CAMTA1: variants seen among roughly 807,000 people sequenced by gnomAD.
CAMTA1 encodes the protein calmodulin-binding transcription activator 1.
A neutral mutation model predicts 170.9 loss-of-function variants in CAMTA1; 27 were observed. That is an observed-to-expected ratio of 0.16 (90% CI 0.12 to 0.22). The LOEUF is 0.22. Ranked by LOEUF, CAMTA1 falls within the 10% of genes least tolerant of loss-of-function variation. The probability of loss-of-function intolerance (pLI) is 1.00; values close to 1 mark genes in which losing one functional copy is unlikely to be tolerated. For synonymous variants in CAMTA1, 833 were observed against 891.5 expected (o/e 0.93, Z 1.17); for missense variants, 1,619 against 2,217.2 (o/e 0.73, Z 5.42).
intron 1 of CAMTA1, among the ~76,000 whole-genome samples, 192 bp downstream of exon 1, chr1:6,785,767 G>C (rs1445714077): frequency 7.3e-6 from 1 of 137,830 alleles, no homozygotes; most frequent in Non-Finnish European, 1.6e-5. Flanking sequence ...GAGGTGACTC[G>C]CGGGGCCGGC....
chr1:7,056,278 G>C (rs1296590274), intron 3 of CAMTA1, among the ~76,000 whole-genome samples: 1 of 152,084 alleles, frequency 6.6e-6, no homozygotes, highest in Admixed American at 6.5e-5. Flanking sequence ...GGCCTCTTTT[G>C]ATGTTTCCTT....
intron 21 of CAMTA1, among the ~76,000 whole-genome samples, chr1:7,754,188 T>C (rs1296162320): frequency 6.6e-6 from 1 of 152,216 alleles, no homozygotes; most frequent in Non-Finnish European, 1.5e-5. Flanking sequence ...CAATAGACTT[T>C]GGCCACTTTG....
At chr1:7,292,354 T>C (rs972108744) in intron 5 of CAMTA1, among the ~76,000 whole-genome samples, 1 of 152,150 alleles carries the variant, frequency 6.6e-6, no homozygotes, top group Non-Finnish European at 1.5e-5. Context: ...GCCAATATTC[T>C]GTGTTTTCTT....
chr1:7,300,969 T>C lies in CAMTA1; in HGVS notation c.438+51343T>C, dbSNP rs1674662420. On this transcript the variant is annotated intron_variant, in intron 5 of 22. Coordinates refer to ENST00000303635, the MANE Select transcript of CAMTA1 (RefSeq NM_015215.4). The surrounding 1 kb of genome is among the most constrained non-coding windows in gnomAD (Gnocchi z 4.1). ...TCATAGATGAGATACAACACACACATTGGATTCTAGCAGCAATTACCCACC... is the reference window on the plus strand; with the variant it reads ...TCATAGATGAGATACAACACACACACTGGATTCTAGCAGCAATTACCCACC... Among the ~76,000 whole-genome samples, 1 of 152,208 alleles carries C rather than the reference T, an allele frequency of 6.6e-6. No homozygotes were observed. Among genetic ancestry groups the C allele is most frequent in the Non-Finnish European group, 1.5e-5 (1 of 68,020 alleles).
At chr1:7,457,318 T>G (rs547671094) in intron 5 of CAMTA1, among the ~76,000 whole-genome samples, 38 of 152,286 alleles carry the variant, frequency 2.5e-4, no homozygotes, top group African/African-American at 8.7e-4. Flanking sequence ...ATTCATTGAA[T>G]TTTTATTGCC....
At chr1:7,280,784 C>A (rs11120894) in intron 5 of CAMTA1, among the ~76,000 whole-genome samples, 58,614 of 152,072 alleles carry the variant, frequency 0.39, 13,145 homozygotes, top group Admixed American at 0.53. Flanking sequence ...TCAAAAGGTT[C>A]TCCATGGACT....
At chr1:7,399,520 A>C (rs1253864767) in intron 5 of CAMTA1, among the ~76,000 whole-genome samples, 1 of 152,240 alleles carries the variant, frequency 6.6e-6, no homozygotes, top group African/African-American at 2.4e-5. Context: ...ATGTATCATC[A>C]TTACAGTAAT....
rs2086761837 is a variant in CAMTA1 at position 7,375,328 on chromosome 1, T to C, written c.439-92502T>C. Among the ~76,000 whole-genome samples the C allele has an allele frequency of 2.0e-5, 3 of 152,210 alleles. No individual in the cohort carries two copies. In the South Asian group the frequency reaches 6.2e-4, roughly 32 times the overall value. On this transcript the variant is annotated intron_variant, in intron 5 of 22. Coordinates refer to ENST00000303635, the MANE Select transcript of CAMTA1 (RefSeq NM_015215.4). ...CAGCTTCCAACCAAATAACAAGGAT[T>C]ACCCAACCCAGCCCCTGACCCGAAA... is the stretch of plus-strand genomic sequence containing the variant.
chr1:7,396,347 G>C (rs190939248), intron 5 of CAMTA1, among the ~76,000 whole-genome samples: 17 of 152,202 alleles, frequency 1.1e-4, no homozygotes, highest in Admixed American at 2.0e-4. Flanking sequence ...TAAGCTTTTT[G>C]TACAGCCTGT....
chr1:7,445,864 G>C (rs1403083188), intron 5 of CAMTA1, among the ~76,000 whole-genome samples: 4 of 152,176 alleles, frequency 2.6e-5, no homozygotes, highest in Middle Eastern at 3.2e-3. Flanking sequence ...GCCTTGACTT[G>C]AGCGAACATT....
intron 3 of CAMTA1, among the ~76,000 whole-genome samples, chr1:6,924,305 G>GGCCA (rs1443411578): frequency 6.6e-6 from 1 of 151,982 alleles, no homozygotes; most frequent in Non-Finnish European, 1.5e-5. Flanking sequence ...GAGGGGCTCA[G>GGCCA]GCTGGGAGGG....
chr1:7,161,106 C>T (rs1324491458), intron 4 of CAMTA1, among the ~76,000 whole-genome samples: 1 of 152,180 alleles, frequency 6.6e-6, no homozygotes, highest in Non-Finnish European at 1.5e-5. Context: ...TATGTCATTC[C>T]AATACTTAAA....
At chr1:6,880,390 T>TTTG (rs1671216488) in intron 3 of CAMTA1, among the ~76,000 whole-genome samples, 1 of 144,690 alleles carries the variant, frequency 6.9e-6, no homozygotes, top group South Asian at 2.3e-4. Flanking sequence ...AGTGTTTTTT[T>TTTG]TTTTTTTTTT....
chr1:7,647,232 C>T (rs1224525938), intron 7 of CAMTA1, among the ~76,000 whole-genome samples: 1 of 151,558 alleles, frequency 6.6e-6, no homozygotes, highest in Admixed American at 6.6e-5. Context: ...GTTCAGTGCG[C>T]CTTTTGTTTT....
At chr1:7,452,273 G>A (rs2092844864) in intron 5 of CAMTA1, among the ~76,000 whole-genome samples, 1 of 152,228 alleles carries the variant, frequency 6.6e-6, no homozygotes. Flanking sequence ...CCAGGAGGGT[G>A]TGTGTGCTGA....
chr1:7,712,852 C>G (rs905431753), intron 11 of CAMTA1, among the ~76,000 whole-genome samples: 2 of 150,254 alleles, frequency 1.3e-5, no homozygotes, highest in Non-Finnish European at 3.0e-5. Flanking sequence ...CACGTCTTAA[C>G]ATGGCAGCAG....
chr1:7,444,253 C>T (rs947753964), intron 5 of CAMTA1, among the ~76,000 whole-genome samples: 2 of 152,194 alleles, frequency 1.3e-5, no homozygotes, highest in African/African-American at 2.4e-5. Context: ...ATCCAAGCAC[C>T]CCAGAAACAG....
chr1:6,797,848 GAGAA>G (rs1476261710), intron 1 of CAMTA1, among the ~76,000 whole-genome samples: 1 of 152,000 alleles, frequency 6.6e-6, no homozygotes, highest in Non-Finnish European at 1.5e-5. Context: ...GATTTGCTAA[GAGAA>G]AGGAAATAAA....
chr1:6,850,424 C>A (rs779399633), intron 3 of CAMTA1, among the ~76,000 whole-genome samples: 2 of 152,116 alleles, frequency 1.3e-5, no homozygotes, highest in Non-Finnish European at 2.9e-5. Flanking sequence ...TCTTTATCTT[C>A]CATCCTTCCA....
Sources: gnomAD v4.1 joint callset for allele counts (sites outside exome capture counted in the v4.1 genomes callset) on GRCh38, gnomAD v4.1.1 for gene constraint, Gnocchi (gnomAD v3.1) non-coding constraint, MANE v1.5 for transcripts, NCBI Gene and HGNC (gene_info 2026-07-23, HGNC 2026-07-21) for gene names.